The following CACNB4 variants were observed in gnomAD, a reference collection of about 807,000 sequenced individuals.
CACNB4 encodes calcium voltage-gated channel auxiliary subunit beta 4.
CACNB4 carries 32 observed loss-of-function variants against 71.2 expected under a neutral mutation model. The observed-to-expected ratio is 0.45, with a 90% CI of 0.34 to 0.60. The LOEUF (loss-of-function observed/expected upper bound fraction) is 0.60, where lower values mean the gene tolerates loss of function less well. Among genes scored for constraint, CACNB4 ranks in the 20% least tolerant of loss-of-function variants. The pLI, the probability that CACNB4 is intolerant of heterozygous loss-of-function variation, is 0.01. For missense variants in CACNB4, 464 were observed against 647.9 expected, an observed-to-expected ratio of 0.72 and a Z score of 3.08; for synonymous variants, 231 against 236.9, an observed-to-expected ratio of 0.97 and a Z score of 0.23.
chr2:151,852,739 T>C (rs551076529), intron 12 of CACNB4: 3 of 152,240 alleles, frequency 2.0e-5, no homozygotes, highest in Admixed American at 1.3e-4. Flanking sequence ...CCTACACAAG[T>C]GTATAAAACA....
intron 2 of CACNB4, among the ~76,000 whole-genome samples, chr2:151,996,889 T>G (rs6707291): frequency 0.34 from 52,424 of 152,100 alleles, 9,325 homozygotes; most frequent in Middle Eastern, 0.49. Flanking sequence ...CAAGAGAAGC[T>G]CCTGCTTTCA....
At chr2:151,931,388 G>A (rs1338255936) in intron 2 of CACNB4, among the ~76,000 whole-genome samples, 4 of 152,148 alleles carry the variant, frequency 2.6e-5, no homozygotes, top group Admixed American at 2.6e-4. Context: ...AAAATCCAGG[G>A]TCTGTTTACT....
chr2:151,864,187 C>T (rs2099842495), intron 9 of CACNB4, among the ~76,000 whole-genome samples: 1 of 152,122 alleles, frequency 6.6e-6, no homozygotes, highest in Admixed American at 6.5e-5. Context: ...AAAAAGTTCC[C>T]TTGGAAAACT....
intron 2 of CACNB4, among the ~76,000 whole-genome samples, chr2:151,915,350 G>A (rs2099857185): frequency 6.6e-6 from 1 of 152,198 alleles, no homozygotes; most frequent in Admixed American, 6.5e-5. Context: ...AGTACAGCCT[G>A]GACGTATAGA....
intron 2 of CACNB4, among the ~76,000 whole-genome samples, chr2:151,981,934 G>A (rs1221074740): frequency 6.6e-6 from 1 of 152,120 alleles, no homozygotes; most frequent in Non-Finnish European, 1.5e-5. Flanking sequence ...ACTCATTCTA[G>A]ATCCCTCCTG....
At chr2:151,946,165 C>T (rs577447786) in intron 2 of CACNB4, among the ~76,000 whole-genome samples, 11 of 152,146 alleles carry the variant, frequency 7.2e-5, no homozygotes, top group African/African-American at 2.4e-5. Flanking sequence ...CCTGTCTCTA[C>T]TAAAAATACA....
intron 2 of CACNB4, among the ~76,000 whole-genome samples, chr2:151,957,258 G>GTGTA (rs752475672): frequency 0.26 from 1,651 of 6,376 alleles, 44 homozygotes; most frequent in Non-Finnish European, 0.39. Flanking sequence ...GTGGCTGGGC[G>GTGTA]TGTGTGTGTG....
At chr2:152,076,810 C>A (rs1466746861) in intron 2 of CACNB4, among the ~76,000 whole-genome samples, 1 of 152,180 alleles carries the variant, frequency 6.6e-6, no homozygotes, top group African/African-American at 2.4e-5. Flanking sequence ...ATTCTGTCAA[C>A]CTGGAAAGTG....
chr2:152,082,417 A>C (rs562652349), intron 2 of CACNB4, among the ~76,000 whole-genome samples: 32 of 152,330 alleles, frequency 2.1e-4, no homozygotes, highest in Non-Finnish European at 3.4e-4. Flanking sequence ...CATTCCTCAG[A>C]ATCAGTAGGG....
At chr2:151,933,614 T>G (rs1339218662) in intron 2 of CACNB4, among the ~76,000 whole-genome samples, 2 of 152,174 alleles carry the variant, frequency 1.3e-5, no homozygotes, top group African/African-American at 2.4e-5. Context: ...GTCTTCTGTG[T>G]GAACCACCAG....
chr2:151,875,884 C>T (rs1433171961), intron 5 of CACNB4, among the ~76,000 whole-genome samples: 20 of 142,628 alleles, frequency 1.4e-4, no homozygotes, highest in African/African-American at 4.9e-4. Flanking sequence ...GGCGGCTGGC[C>T]GGGCAGAGGG....
chr2:152,034,498 C>T (rs558416846), intron 2 of CACNB4, among the ~76,000 whole-genome samples: 7 of 152,238 alleles, frequency 4.6e-5, no homozygotes, highest in African/African-American at 1.4e-4. Flanking sequence ...CTGCCTGCTC[C>T]GGCCTCTCCT....
intron 2 of CACNB4, among the ~76,000 whole-genome samples, chr2:151,993,186 A>C (rs1681815855): frequency 6.6e-6 from 1 of 151,672 alleles, no homozygotes; most frequent in South Asian, 2.1e-4. Context: ...TTTACTATCA[A>C]GGCTTTTACC....
intron 2 of CACNB4, among the ~76,000 whole-genome samples, chr2:152,023,298 G>C (rs188334301): frequency 6.6e-6 from 1 of 152,084 alleles, no homozygotes; most frequent in South Asian, 2.1e-4. Flanking sequence ...GGGGATTATG[G>C]GGATTACAAT....
chr2:151,992,341 C>T (rs929898942), intron 2 of CACNB4, among the ~76,000 whole-genome samples: 4 of 152,222 alleles, frequency 2.6e-5, no homozygotes, highest in African/African-American at 9.7e-5. Flanking sequence ...TCAAAAAGCA[C>T]GATTTCCTTC....
intron 2 of CACNB4, among the ~76,000 whole-genome samples, chr2:152,055,422 T>C (rs1685672506): frequency 6.6e-6 from 1 of 152,240 alleles, no homozygotes; most frequent in African/African-American, 2.4e-5. Flanking sequence ...TGCCATATCT[T>C]AAGATCAACT....
chr2:151,880,749 C>T, intron 4 of CACNB4, 51 bp downstream of exon 4: 1 of 1,585,120 alleles, frequency 6.3e-7, no homozygotes, highest in Non-Finnish European at 8.6e-7. Flanking sequence ...GAGCTGATTC[C>T]TGGCTTCAGC....
At chr2:151,860,665 G>C in intron 10 of CACNB4, 46 bp downstream of exon 10, 1 of 1,277,068 alleles carries the variant, frequency 7.8e-7, no homozygotes, top group Non-Finnish European at 1.1e-6. Flanking sequence ...GTGTCAGCCC[G>C]GTCTGTAAGC....
chr2:151,839,133 G>C lies in CACNB4; in HGVS notation c.1549C>G (p.Arg517Gly), dbSNP rs370263335. ...TTTCATTAGACTCAAAGCCTATGTC[G>C]GGAGTCATGGCTATATCCCCCAGGT... ...GSPGGYSHDS[R>G]HRL is the part of the protein sequence containing the mutation. The change falls in exon 14 of 14, where the codon CGA (arginine) becomes GGA (glycine). Residue 517 changes from arginine to glycine, a missense_variant. Arg to Gly is a moderately radical substitution (Grantham distance 125). Around this residue, in one of 3 missense-constraint regions of CACNB4, gnomAD observed 115 missense variants for 128.8 expected, o/e 0.89. Transcript: ENST00000539935. The C allele has an allele frequency of 1.2e-6, 2 of 1,610,616 alleles. No individual in the cohort carries two copies. The highest frequency in any genetic ancestry group is 2.7e-5 in the African/African-American group (2 of 74,796).
Sources: gnomAD v4.1 joint callset for allele counts (sites outside exome capture counted in the v4.1 genomes callset) on GRCh38, gnomAD v4.1.1 for gene constraint, gnomAD v4.1.1 regional missense constraint, MANE v1.5 for transcripts, NCBI Gene and HGNC (gene_info 2026-07-23, HGNC 2026-07-21) for gene names.